NRP1: variants seen among roughly 807,000 people sequenced by gnomAD.
NRP1 encodes the protein neuropilin-1.
NRP1 carries 35 observed loss-of-function variants against 106.7 expected under a neutral mutation model. The ratio of observed to expected loss-of-function variants is 0.33; its 90% CI spans 0.25 to 0.43. The LOEUF is 0.43. Among genes scored for constraint, NRP1 ranks in the 20% least tolerant of loss-of-function variants. NRP1 has a pLI of 1.00. For synonymous variants in NRP1, 437 were observed against 417.9 expected (o/e 1.05, Z -0.56); for missense variants, 1,024 against 1,170.4 (o/e 0.87, Z 1.83).
intron 2 of NRP1, among the ~76,000 whole-genome samples, chr10:33,281,559 G>A (rs993142249): frequency 1.3e-5 from 2 of 152,118 alleles, no homozygotes; most frequent in African/African-American, 4.8e-5. Context: ...GAGGAAAGGA[G>A]GTGACATCTA....
intron 5 of NRP1, among the ~76,000 whole-genome samples, chr10:33,254,876 C>T (rs1249844987): frequency 2.0e-5 from 3 of 152,176 alleles, no homozygotes; most frequent in Non-Finnish European, 4.4e-5. Flanking sequence ...AGAATGATTG[C>T]TTTGTTTAAA....
At chr10:33,293,487 A>T (rs921800470) in intron 2 of NRP1, among the ~76,000 whole-genome samples, 47 of 152,166 alleles carry the variant, frequency 3.1e-4, no homozygotes, top group Non-Finnish European at 6.3e-4. Flanking sequence ...ATTACAGAGG[A>T]GAATTTGGAG....
At chr10:33,224,855 A>G (rs960394688) in intron 7 of NRP1, among the ~76,000 whole-genome samples, 5 of 152,080 alleles carry the variant, frequency 3.3e-5, no homozygotes, top group African/African-American at 1.2e-4. Context: ...GCTTATTTTA[A>G]AAAGAAATGG....
intron 16 of NRP1, 80 bp from the exon 17 acceptor site, chr10:33,180,445 A>T (rs1370303423): frequency 2.2e-6 from 3 of 1,379,814 alleles, no homozygotes; most frequent in Non-Finnish European, 3.0e-6. Context: ...GAAAGGAACG[A>T]AACAGGAGCA....
At chr10:33,266,561 C>T (rs1307189208) in intron 3 of NRP1, among the ~76,000 whole-genome samples, 1 of 152,152 alleles carries the variant, frequency 6.6e-6, no homozygotes, top group Non-Finnish European at 1.5e-5. Context: ...TTTCAGTTTA[C>T]CATAGTTGAA....
chr10:33,181,143 C>T (rs1835659627), intron 16 of NRP1, among the ~76,000 whole-genome samples: 1 of 152,182 alleles, frequency 6.6e-6, no homozygotes, highest in South Asian at 2.1e-4. Context: ...AACATGGGAG[C>T]TTTGAGCCTA....
chr10:33,309,609 C>T (rs1337034945), intron 2 of NRP1, among the ~76,000 whole-genome samples: 2 of 152,146 alleles, frequency 1.3e-5, no homozygotes, highest in Non-Finnish European at 2.9e-5. Context: ...ACAATGCTTC[C>T]GTTTTTGAAA....
intron 7 of NRP1, 59 bp from the exon 8 acceptor site, chr10:33,221,922 T>C (rs1360860500): frequency 1.3e-6 from 2 of 1,547,090 alleles, no homozygotes; most frequent in Middle Eastern, 1.7e-4. Flanking sequence ...AATCCATAAA[T>C]GTGTTTTCAC....
chr10:33,199,401 T>A (rs1377136498), intron 11 of NRP1, among the ~76,000 whole-genome samples: 1,571 of 81,210 alleles, frequency 0.019, 41 homozygotes, highest in Non-Finnish European at 0.027. Flanking sequence ...TTTTTTTTTT[T>A]TTTTTTTTTT....
chr10:33,319,180 T>G (rs1054509646), intron 2 of NRP1, among the ~76,000 whole-genome samples: 7 of 151,688 alleles, frequency 4.6e-5, no homozygotes, highest in African/African-American at 1.7e-4. Context: ...AATTTTTTTG[T>G]ATTTTTAGTA....
Position 33,192,395 on chromosome 10 carries a change from A to G in NRP1, c.1948T>C (p.Cys650Arg). Residue 650 changes from cysteine (C) to arginine (R), a missense_variant, in exon 13 of 17, where the codon TGT becomes CGT. Around this residue, in one of 5 missense-constraint regions of NRP1, gnomAD observed 562 missense variants for 620.3 expected, o/e 0.91. Transcript: ENST00000374867. ...QSEFPTYGFNCEFGWGSHKTF... is the reference protein window; with the variant it reads ...QSEFPTYGFNREFGWGSHKTF... ...TTGTGAGAGCCCCAGCCAAATTCAC[A>G]GTTAAAACCATATGTTGGAAACTCT... The G allele has an allele frequency of 6.2e-7, 1 of 1,613,990 alleles. No homozygotes were observed. Among genetic ancestry groups the G allele is most frequent in the Admixed American group, 1.7e-5 (1 of 60,000 alleles).
At chr10:33,260,062 G>A (rs181384586) in intron 4 of NRP1, among the ~76,000 whole-genome samples, 2 of 151,944 alleles carry the variant, frequency 1.3e-5, no homozygotes, top group Admixed American at 6.6e-5. Context: ...CTCATCTCTC[G>A]ATGTTGCCCA....
chr10:33,250,573 T>C (rs1841783370), intron 6 of NRP1, among the ~76,000 whole-genome samples: 1 of 152,180 alleles, frequency 6.6e-6, no homozygotes, highest in African/African-American at 2.4e-5. Context: ...TGAAAGTATA[T>C]GAATGGGAAT....
intron 11 of NRP1, chr10:33,202,140 T>TA (rs1228501957): frequency 6.6e-6 from 1 of 152,460 alleles, no homozygotes; most frequent in Admixed American, 6.5e-5. Flanking sequence ...AGTCCCACGA[T>TA]ACCTTTTGCA....
chr10:33,261,228 T>G (rs1347088296), intron 4 of NRP1, among the ~76,000 whole-genome samples: 1 of 152,218 alleles, frequency 6.6e-6, no homozygotes, highest in Non-Finnish European at 1.5e-5. Context: ...TTCAACTCAG[T>G]GATTTTCTAG....
Position 33,270,948 on chromosome 10 carries a change from T to G in NRP1, c.249-92A>C, listed in dbSNP as rs1013575720. 2.6e-6 allele frequency: 3 copies of G among 1,149,956 alleles called. No individual in the cohort carries two copies. The African/African-American group carries it at 4.7e-5, about 18-fold the overall frequency. The allele number at this position is 1,149,956 out of a possible 1,614,324, so 71.2% of individuals were successfully genotyped here. The stretch of plus-strand genomic sequence containing the variant: ...GACACCAGCATCATCCAGCATAGTG[T>G]GCCAGGAAGAAAAAAAAGTTCTATC... On this transcript the variant is annotated intron_variant, in intron 2 of 16. Transcript: ENST00000374867.
chr10:33,275,233 C>A (rs767400735), intron 2 of NRP1, among the ~76,000 whole-genome samples: 1 of 152,116 alleles, frequency 6.6e-6, no homozygotes, highest in Non-Finnish European at 1.5e-5. Context: ...GAAATCTGTT[C>A]TAAGCGAACA....
rs150856061 is a variant in NRP1 at position 33,236,079 on chromosome 10, G to T, written c.982-9790C>A. Among the ~76,000 whole-genome samples the T allele has an allele frequency of 1.2e-4, 18 of 152,260 alleles. No individual in the cohort carries two copies. The East Asian group carries it at 3.5e-3, about 29-fold the overall frequency. ...TACTTTTAATTAACATTTTTTGAAT[G>T]CTTATTTGTAAGTTACATTTAATTT... On this transcript the variant is annotated intron_variant, in intron 6 of 16. Coordinates refer to ENST00000374867, the MANE Select transcript of NRP1 (RefSeq NM_003873.7).
chr10:33,268,622 C>G (rs1843086630), intron 3 of NRP1, among the ~76,000 whole-genome samples: 1 of 152,220 alleles, frequency 6.6e-6, no homozygotes, highest in Non-Finnish European at 1.5e-5. Context: ...TCTCCTTCAA[C>G]TGTCTTCAGA....
Sources: gnomAD v4.1 joint callset for allele counts (sites outside exome capture counted in the v4.1 genomes callset) on GRCh38, gnomAD v4.1.1 for gene constraint, gnomAD v4.1.1 regional missense constraint, MANE v1.5 for transcripts, NCBI Gene and HGNC (gene_info 2026-07-23, HGNC 2026-07-21) for gene names.